The following NRXN1 variants were observed in gnomAD, a reference collection of about 807,000 sequenced individuals.
The protein encoded by NRXN1 is neurexin 1.
In NRXN1, 39 loss-of-function variants were observed where a neutral mutation model predicts 150.9. The ratio of observed to expected loss-of-function variants is 0.26; its 90% confidence interval spans 0.20 to 0.34. NRXN1 has a LOEUF of 0.34. Ranked by LOEUF, NRXN1 falls within the 10% of genes least tolerant of loss-of-function variation. The pLI, the probability that NRXN1 is intolerant of heterozygous loss-of-function variation, is 1.00. For synonymous variants in NRXN1, 924 were observed against 757.0 expected (o/e 1.22, Z -3.62); for missense variants, 1,815 against 1,949.9 (o/e 0.93, Z 1.30).
At chr2:50,777,969 C>A (rs1213506479) in intron 5 of NRXN1, among the ~76,000 whole-genome samples, 1 of 152,126 alleles carries the variant, frequency 6.6e-6, no homozygotes, top group Non-Finnish European at 1.5e-5. Context: ...TTCCATTTCT[C>A]CTGATAATCA....
chr2:51,028,373 G>T lies in NRXN1; in HGVS notation c.-100C>A, dbSNP rs1217220661. The T allele has an allele frequency of 2.5e-6, 2 of 789,168 alleles. No individual in the cohort carries two copies. Among genetic ancestry groups the T allele is most frequent in the Non-Finnish European group, 3.7e-6 (2 of 541,152 alleles). 48.9% of individuals were successfully genotyped at this position (789,168 alleles called of 1,614,324 possible). A position where few individuals can be genotyped will look rare whatever the true frequency, so the allele number is the denominator to read the frequency against. ...AATAAGGGTCCCGAGAGACAGAAAG[G>T]TAAGGGGAAAGGCGGGAGTGAGAGG... On this transcript the variant is annotated 5_prime_UTR_variant, in exon 2 of 23. Transcript: ENST00000401669.
intron 18 of NRXN1, among the ~76,000 whole-genome samples, chr2:50,122,762 C>T (rs922493381): frequency 2.6e-5 from 4 of 152,196 alleles, no homozygotes; most frequent in African/African-American, 9.7e-5. Flanking sequence ...TCTTGCTATA[C>T]TTTTTTCCAA....
At chr2:50,261,544 G>A (rs1424301912) in intron 17 of NRXN1, among the ~76,000 whole-genome samples, 1 of 151,782 alleles carries the variant, frequency 6.6e-6, no homozygotes, top group Non-Finnish European at 1.5e-5. Flanking sequence ...TAAGTCACAA[G>A]ACATAAATAT....
At chr2:50,943,808 T>C (rs2104514222) in intron 2 of NRXN1, among the ~76,000 whole-genome samples, 1 of 152,324 alleles carries the variant, frequency 6.6e-6, no homozygotes, top group East Asian at 1.9e-4. Context: ...AAATAATATA[T>C]GTTGCAGAGA....
chr2:50,351,144 C>A (rs2078381634), intron 17 of NRXN1, among the ~76,000 whole-genome samples: 1 of 152,114 alleles, frequency 6.6e-6, no homozygotes, highest in South Asian at 2.1e-4. Context: ...ATTTTGTTAT[C>A]TAAGGGAAAC....
intron 5 of NRXN1, among the ~76,000 whole-genome samples, chr2:50,643,570 G>C (rs912874778): frequency 6.6e-6 from 1 of 151,700 alleles, no homozygotes; most frequent in Non-Finnish European, 1.5e-5. Flanking sequence ...TGCATTTAGT[G>C]TTTATCCATA....
At chr2:50,499,337 C>G (rs939636945) in intron 13 of NRXN1, among the ~76,000 whole-genome samples, 1 of 152,094 alleles carries the variant, frequency 6.6e-6, no homozygotes, top group African/African-American at 2.4e-5. Context: ...TGTTCTGATT[C>G]CCTTCCTGCA....
chr2:51,031,752 C>G (rs971461902), intron 1 of NRXN1, among the ~76,000 whole-genome samples: 1 of 152,092 alleles, frequency 6.6e-6, no homozygotes, highest in African/African-American at 2.4e-5. Context: ...GCTAATACAT[C>G]ACTGCATTCA....
At chr2:50,081,299 C>T (rs1290946768) in intron 19 of NRXN1, among the ~76,000 whole-genome samples, 2 of 152,164 alleles carry the variant, frequency 1.3e-5, no homozygotes, top group Non-Finnish European at 2.9e-5. Context: ...TTATTCCTGG[C>T]CAGGCGCAGT....
chr2:50,910,433 A>G (rs778547511), intron 5 of NRXN1, among the ~76,000 whole-genome samples: 1 of 152,000 alleles, frequency 6.6e-6, no homozygotes, highest in Non-Finnish European at 1.5e-5. Context: ...TGAGTTTCAA[A>G]GAGGCCAGAT....
At chr2:50,517,515 G>A (rs1043629026) in intron 12 of NRXN1, among the ~76,000 whole-genome samples, 1 of 152,030 alleles carries the variant, frequency 6.6e-6, no homozygotes, top group East Asian at 1.9e-4. Flanking sequence ...ACTAAGAAAG[G>A]TAAATATAAA....
At chr2:50,318,034 C>T (rs893479346) in intron 17 of NRXN1, among the ~76,000 whole-genome samples, 1 of 151,628 alleles carries the variant, frequency 6.6e-6, no homozygotes, top group Admixed American at 6.6e-5. Context: ...CCAAAATATA[C>T]CATAAAAAGA....
At chr2:50,110,841 AT>A (rs935314198) in intron 18 of NRXN1, among the ~76,000 whole-genome samples, 21 of 152,136 alleles carry the variant, frequency 1.4e-4, no homozygotes, top group African/African-American at 4.8e-4. Context: ...TAGTTATAAA[AT>A]TTTTCTATTG....
chr2:50,782,987 G>A (rs532610539), intron 5 of NRXN1, among the ~76,000 whole-genome samples: 3 of 152,194 alleles, frequency 2.0e-5, no homozygotes, highest in South Asian at 2.1e-4. Flanking sequence ...TGAGACTTGC[G>A]CTCTGATAAT....
rs201722000 is a variant in NRXN1 at position 50,404,154 on chromosome 2, G to GA, written c.3364+61287_3364+61288insT. Among the ~76,000 whole-genome samples the GA allele has an allele frequency of 8.5e-3, 1,265 of 149,116 alleles. 41 individuals carry two copies. In the East Asian group the frequency reaches 0.12, roughly 14 times the overall value. ...TCTTCCTTTAGGAATATTTTGTTTA[G>GA]TTTTTTTTTGTTTGTTTTGTTTTGT... On this transcript the variant is annotated intron_variant, in intron 17 of 22. Coordinates refer to ENST00000401669, the MANE Select transcript of NRXN1 (RefSeq NM_001330078.2).
chr2:50,495,929 C>T lies in NRXN1; in HGVS notation c.3046G>A (p.Gly1016Arg), dbSNP rs1553698219. Residue 1016 changes from glycine to arginine, a missense_variant, in exon 15 of 23, where the codon GGA (glycine) becomes AGA (arginine). Gly to Arg is a moderately radical substitution (Grantham distance 125, BLOSUM62 -2). Around this residue, in one of 6 missense-constraint regions of NRXN1, gnomAD observed 339 missense variants for 440.3 expected, o/e 0.77. Transcript: ENST00000401669. ...CTCTTGAGGTCTAAGTTCCTGGCTC[C>T]GGCGGTGATTTGCGTTGTGATTTTT... is the stretch of plus-strand genomic sequence containing the variant. Reference protein sequence around the residue: ...DTKITTQITAGARNLDLKSDL... With the variant: ...DTKITTQITARARNLDLKSDL... 2 of 1,607,696 alleles carry T rather than the reference C, an allele frequency of 1.2e-6. No individual in the cohort carries two copies. Among genetic ancestry groups the T allele is most frequent in the Non-Finnish European group, 1.7e-6 (2 of 1,176,256 alleles).
chr2:51,005,747 A>G (rs1290899352), intron 2 of NRXN1, among the ~76,000 whole-genome samples: 1 of 151,942 alleles, frequency 6.6e-6, no homozygotes, highest in African/African-American at 2.4e-5. Context: ...AATAACCATA[A>G]AACAATCAGT....
intron 2 of NRXN1, among the ~76,000 whole-genome samples, chr2:51,000,429 C>T (rs1699881871): frequency 6.6e-6 from 1 of 151,942 alleles, no homozygotes; most frequent in South Asian, 2.1e-4. Flanking sequence ...AAGGCTCTAT[C>T]CTCAGCACCT....
intron 2 of NRXN1, among the ~76,000 whole-genome samples, chr2:50,975,886 G>T (rs1333671415): frequency 2.0e-5 from 3 of 152,076 alleles, no homozygotes; most frequent in African/African-American, 7.2e-5. Context: ...AGGGGAAGAA[G>T]AAATTGTGTT....
Sources: gnomAD v4.1 joint callset for allele counts (sites outside exome capture counted in the v4.1 genomes callset) on GRCh38, gnomAD v4.1.1 for gene constraint, gnomAD v4.1.1 regional missense constraint, MANE v1.5 for transcripts, NCBI Gene and HGNC (gene_info 2026-07-23, HGNC 2026-07-21) for gene names.